The following PVT1 variants were observed in gnomAD, a reference collection of about 807,000 sequenced individuals.
The protein encoded by PVT1 is Pvt1 oncogene.
In PVT1 at chr8:128,085,275, G is replaced by A. The variant is rs117509855; in HGVS notation, n.1115-11243G>A. Among the ~76,000 whole-genome samples, 438 of 152,210 alleles carry A rather than the reference G, an allele frequency of 2.9e-3. 16 individuals carry two copies. The East Asian group carries it at 0.068, about 23-fold the overall frequency. On this transcript the variant is annotated intron_variant and non_coding_transcript_variant, in intron 5 of 10. Transcript: ENST00000651587. Reference sequence around the variant, plus strand: ...AGGCCCTCTGCACCTTCAAAAGTCCGCGGCCCGGCTGACATCTGACTACAA... The same window carrying A: ...AGGCCCTCTGCACCTTCAAAAGTCCACGGCCCGGCTGACATCTGACTACAA...
At chr8:127,968,734 T>C (rs1329741308) in intron 3 of PVT1, among the ~76,000 whole-genome samples, 1 of 152,094 alleles carries the variant, frequency 6.6e-6, no homozygotes, top group Admixed American at 6.5e-5. Flanking sequence ...AAAGTTATGG[T>C]GAGGTCATCT....
At chr8:127,858,452 G>A (rs926175033) in intron 2 of PVT1, among the ~76,000 whole-genome samples, 2 of 135,568 alleles carry the variant, frequency 1.5e-5, no homozygotes, top group African/African-American at 5.5e-5. Flanking sequence ...ATAAATAAAA[G>A]ATGGTCTTGA....
intron 2 of PVT1, among the ~76,000 whole-genome samples, chr8:127,878,296 G>A (rs1043564112): frequency 2.0e-5 from 3 of 152,192 alleles, no homozygotes; most frequent in African/African-American, 7.2e-5. Flanking sequence ...ATGAAGGAGA[G>A]TGGAGGTGAG....
chr8:128,024,888 G>C (rs1012365882), intron 4 of PVT1, among the ~76,000 whole-genome samples: 11 of 152,218 alleles, frequency 7.2e-5, no homozygotes, highest in Non-Finnish European at 1.5e-4. Flanking sequence ...TTTTTATAGA[G>C]GTGGGGTCTC....
At chr8:127,970,289 GTTTTT>G (rs68010926) in intron 3 of PVT1, among the ~76,000 whole-genome samples, 15 of 49,120 alleles carry the variant, frequency 3.1e-4, no homozygotes, top group South Asian at 1.2e-3. Flanking sequence ...GCCATGATTT[GTTTTT>G]TTTTTTTTTT....
chr8:128,046,476 T>G (rs2720711), intron 4 of PVT1, among the ~76,000 whole-genome samples: 1 of 152,222 alleles, frequency 6.6e-6, no homozygotes, highest in Non-Finnish European at 1.5e-5. Context: ...TGTGGAATGT[T>G]CTTAGAACTG....
At chr8:127,949,717 C>G (rs758677636) in intron 3 of PVT1, among the ~76,000 whole-genome samples, 2 of 152,182 alleles carry the variant, frequency 1.3e-5, no homozygotes, top group African/African-American at 2.4e-5. Flanking sequence ...TCACTGGGCC[C>G]TCACTGCTCT....
At chr8:127,816,400 G>A (rs756922627) in intron 2 of PVT1, among the ~76,000 whole-genome samples, 17 of 151,400 alleles carry the variant, frequency 1.1e-4, no homozygotes, top group Non-Finnish European at 2.2e-4. Context: ...CTCTTATCTC[G>A]GCCTCTCAAA....
At chr8:127,977,903 T>G (rs1317598588) in intron 3 of PVT1, among the ~76,000 whole-genome samples, 1 of 152,202 alleles carries the variant, frequency 6.6e-6, no homozygotes, top group Non-Finnish European at 1.5e-5. Context: ...GTTGCAGGCA[T>G]GTTCTCACCC....
chr8:127,860,487 G>A (rs533966152), intron 2 of PVT1, among the ~76,000 whole-genome samples: 1 of 152,188 alleles, frequency 6.6e-6, no homozygotes, highest in South Asian at 2.1e-4. Flanking sequence ...CAAGGCAGCT[G>A]GGCATGGTGG....
At chr8:128,018,793 G>C (rs898876732) in intron 4 of PVT1, among the ~76,000 whole-genome samples, 1 of 152,060 alleles carries the variant, frequency 6.6e-6, no homozygotes, top group African/African-American at 2.4e-5. Context: ...TAGTGTTGCT[G>C]TCTGGAATAC....
chr8:127,974,139 A>C (rs1212673550), intron 3 of PVT1, among the ~76,000 whole-genome samples: 4 of 152,162 alleles, frequency 2.6e-5, no homozygotes, highest in African/African-American at 9.7e-5. Flanking sequence ...AGGAGGAAGA[A>C]GACTGAATCT....
At chr8:127,842,247 C>CTA (rs1337415542) in intron 2 of PVT1, among the ~76,000 whole-genome samples, 2 of 132,174 alleles carry the variant, frequency 1.5e-5, no homozygotes, top group Non-Finnish European at 3.1e-5. Flanking sequence ...TTTTGTGGAA[C>CTA]TGCTCTGGAT....
chr8:127,913,971 C>T (rs1393156079), intron 3 of PVT1, among the ~76,000 whole-genome samples: 3 of 152,054 alleles, frequency 2.0e-5, no homozygotes, highest in African/African-American at 7.2e-5. Flanking sequence ...CTCACACCTG[C>T]TTTTCAGTAG....
At chr8:127,976,201 A>G (rs1034507679) in intron 3 of PVT1, among the ~76,000 whole-genome samples, 4 of 152,200 alleles carry the variant, frequency 2.6e-5, no homozygotes, top group Admixed American at 2.6e-4. Context: ...CTCAGAGGTC[A>G]TCTCTTCCAA....
chr8:127,857,699 C>G (rs990955521), intron 2 of PVT1, among the ~76,000 whole-genome samples: 3 of 152,126 alleles, frequency 2.0e-5, no homozygotes, highest in Non-Finnish European at 4.4e-5. Flanking sequence ...CAAAACAAAG[C>G]AAAAACAATT....
chr8:127,951,897 C>T (rs1816509788), intron 3 of PVT1, among the ~76,000 whole-genome samples: 1 of 151,780 alleles, frequency 6.6e-6, no homozygotes, highest in African/African-American at 2.4e-5. Context: ...CTTACTGCAA[C>T]CTCCAACTCC....
At chr8:127,839,585 TA>T (rs1215776062) in intron 2 of PVT1, among the ~76,000 whole-genome samples, 60 of 134,294 alleles carry the variant, frequency 4.5e-4, no homozygotes, top group African/African-American at 1.4e-3. Context: ...AAAAAAAAAA[TA>T]AAAAAAAATA....
intron 5 of PVT1, among the ~76,000 whole-genome samples, chr8:128,089,899 T>A (rs780634798): frequency 2.4e-4 from 36 of 152,202 alleles, no homozygotes; most frequent in Non-Finnish European, 7.3e-5. Context: ...CCTCACCCAC[T>A]AGGATCAGGA....
Sources: allele counts gnomAD v4.1 joint callset (sites outside exome capture counted in the v4.1 genomes callset), GRCh38; gene constraint gnomAD v4.1.1; transcripts MANE v1.5; gene names NCBI Gene and HGNC (gene_info 2026-07-23, HGNC 2026-07-21).